Variants in RNLS observed in about 807,000 individuals in gnomAD.
RNLS encodes renalase.
A neutral mutation model predicts 39.8 loss-of-function variants in RNLS; 39 were observed. That is an observed-to-expected ratio of 0.98 (90% confidence interval 0.76 to 1.28). The LOEUF is 1.28. Among genes scored for constraint, RNLS ranks in the 50% most tolerant of loss-of-function variants. RNLS has a pLI of 0.00. For synonymous variants in RNLS, 147 were observed against 150.7 expected (o/e 0.98, Z 0.18); for missense variants, 410 against 413.3 (o/e 0.99, Z 0.07).
At chr10:88,447,768 C>T (rs1290441961) in intron 4 of RNLS, among the ~76,000 whole-genome samples, 1 of 152,162 alleles carries the variant, frequency 6.6e-6, no homozygotes, top group East Asian at 1.9e-4. Context: ...AACTACAAGG[C>T]TACAGTAACC....
At position 88,314,461 on chromosome 10, in the gene RNLS, AT is replaced by A; in HGVS notation, c.876+4del. Reference sequence around the variant, plus strand: ...TGTGCTTAGACCACTGGATTCTTTGATTACCTGTGAATGTCTCCATTTTTGG... The same window carrying A: ...TGTGCTTAGACCACTGGATTCTTTGATACCTGTGAATGTCTCCATTTTTGG... On this transcript the variant is annotated splice_donor_region_variant and intron_variant, in intron 6 of 6. Transcript: ENST00000331772. 1 of 1,613,502 alleles carries A rather than the reference AT, an allele frequency of 6.2e-7. No individual in the cohort carries two copies. Among genetic ancestry groups the A allele is most frequent in the Non-Finnish European group, 8.5e-7 (1 of 1,179,556 alleles).
chr10:88,358,523 T>C (rs1849382570), intron 5 of RNLS, among the ~76,000 whole-genome samples: 1 of 152,250 alleles, frequency 6.6e-6, no homozygotes, highest in Admixed American at 6.5e-5. Flanking sequence ...TATGTCCTGA[T>C]ATTCTCCAAA....
chr10:88,454,068 T>A (rs565677585), intron 4 of RNLS, among the ~76,000 whole-genome samples: 1 of 152,242 alleles, frequency 6.6e-6, no homozygotes, highest in South Asian at 2.1e-4. Context: ...ATGGGTAGAA[T>A]TAGAAGAGAA....
intron 4 of RNLS, among the ~76,000 whole-genome samples, chr10:88,467,492 A>G (rs1219401209): frequency 6.6e-6 from 1 of 152,094 alleles, no homozygotes; most frequent in Non-Finnish European, 1.5e-5. Context: ...TTGACAGGGT[A>G]GGGTTTACTC....
chr10:88,564,513 G>A (rs1000584787), intron 4 of RNLS, among the ~76,000 whole-genome samples: 4 of 152,116 alleles, frequency 2.6e-5, no homozygotes, highest in Non-Finnish European at 4.4e-5. Flanking sequence ...TAATGTTTAA[G>A]GGTCAGGGGT....
chr10:88,528,811 C>T (rs1211432429), intron 4 of RNLS, among the ~76,000 whole-genome samples: 1 of 149,948 alleles, frequency 6.7e-6, no homozygotes, highest in Non-Finnish European at 1.5e-5. Flanking sequence ...CAAGACCGCA[C>T]CACTGCACTC....
At chr10:88,183,154 G>A in the RNLS span, among the ~76,000 whole-genome samples, 2 of 152,086 alleles carry the variant, frequency 1.3e-5, no homozygotes, top group African/African-American at 4.8e-5. Flanking sequence ...TCAGATGCAG[G>A]GGACCAAATC....
At position 88,284,876 on chromosome 10, in the gene RNLS, C is replaced by A. The variant is rs764898600; in HGVS notation, c.*478G>T. ...GGGGATAAATGAGAAATAAGAATTACACTCTGTTACCTACATTTTGGAAAA... is the reference window on the plus strand; with the variant it reads ...GGGGATAAATGAGAAATAAGAATTAAACTCTGTTACCTACATTTTGGAAAA... On this transcript the variant is annotated 3_prime_UTR_variant, in exon 7 of 7. Coordinates refer to ENST00000331772, the MANE Select transcript of RNLS (RefSeq NM_001031709.3). 1.0e-6 allele frequency: 1 copy of A among 985,614 alleles called. No homozygotes were observed. Among genetic ancestry groups the A allele is most frequent in the Non-Finnish European group, 1.2e-6 (1 of 830,108 alleles). 61.1% of individuals were successfully genotyped at this position (985,614 alleles called of 1,614,324 possible).
the RNLS span, among the ~76,000 whole-genome samples, chr10:88,222,766 A>G: frequency 9.2e-5 from 14 of 152,300 alleles, no homozygotes; most frequent in African/African-American, 3.4e-4. Flanking sequence ...TCTGTCCACA[A>G]GACTGTGGGG....
intron 4 of RNLS, among the ~76,000 whole-genome samples, chr10:88,538,760 C>T (rs572712035): frequency 6.6e-6 from 1 of 152,180 alleles, no homozygotes; most frequent in South Asian, 2.1e-4. Flanking sequence ...GTTTTCCACC[C>T]TATGAAATTT....
At chr10:88,281,626 G>C (rs1029046733), downstream of RNLS, among the ~76,000 whole-genome samples, 1 of 152,118 alleles carries the variant, frequency 6.6e-6, no homozygotes, top group Non-Finnish European at 1.5e-5. Context: ...TAGTTTATTA[G>C]CACTGAGATC....
chr10:88,172,439 A>AT, the RNLS span, among the ~76,000 whole-genome samples: 2,656 of 151,948 alleles, frequency 0.017, 86 homozygotes, highest in African/African-American at 0.06. Flanking sequence ...GATGTTAAGC[A>AT]TTTTTTTCAT....
intron 4 of RNLS, among the ~76,000 whole-genome samples, chr10:88,503,655 T>C (rs572961819): frequency 6.6e-6 from 1 of 152,316 alleles, no homozygotes; most frequent in African/African-American, 2.4e-5. Context: ...ACAGGTGCTA[T>C]CATACATAGA....
chr10:88,343,851 T>A (rs1848128783), intron 5 of RNLS: 1 of 979,926 alleles, frequency 1.0e-6, no homozygotes, highest in African/African-American at 1.8e-5. Context: ...GTCCTTTAAT[T>A]GAAACGTCCC....
chr10:88,507,570 C>T (rs559216339), intron 4 of RNLS, among the ~76,000 whole-genome samples: 127 of 152,156 alleles, frequency 8.3e-4, no homozygotes, highest in Middle Eastern at 3.4e-3. Context: ...TATGAGAAGG[C>T]GTTTTTTAGA....
Position 88,583,214 on chromosome 10 carries a change from G to T in RNLS, c.-24C>A. ...ATGGCGAGAGGGAGCAGCGATCCGC[G>T]CTGAGTCTCTGCGGCGGGGCCGTTC... On this transcript the variant is annotated 5_prime_UTR_variant, in exon 1 of 7. Coordinates refer to ENST00000331772, the MANE Select transcript of RNLS (RefSeq NM_001031709.3). 1.9e-6 allele frequency: 3 copies of T among 1,612,622 alleles called. No individual in the cohort carries two copies. The highest frequency in any genetic ancestry group is 2.5e-6 in the Non-Finnish European group (3 of 1,179,508).
At chr10:88,507,905 AC>A (rs1479497883) in intron 4 of RNLS, among the ~76,000 whole-genome samples, 7 of 152,284 alleles carry the variant, frequency 4.6e-5, no homozygotes, top group South Asian at 2.1e-4. Flanking sequence ...ACAATTGATA[AC>A]AGTGGGATTA....
intron 6 of RNLS, among the ~76,000 whole-genome samples, chr10:88,289,638 A>G (rs1034728086): frequency 2.0e-5 from 3 of 152,046 alleles, no homozygotes; most frequent in African/African-American, 4.8e-5. Context: ...AGGGACTCTG[A>G]CTCACTGATC....
At chr10:88,219,210 A>C in the RNLS span, among the ~76,000 whole-genome samples, 8 of 152,176 alleles carry the variant, frequency 5.3e-5, no homozygotes, top group African/African-American at 1.9e-4. Context: ...ATTGCATGGC[A>C]CTCAAAACAT....
Sources: gnomAD v4.1 joint callset for allele counts (sites outside exome capture counted in the v4.1 genomes callset) on GRCh38, gnomAD v4.1.1 for gene constraint, MANE v1.5 for transcripts, NCBI Gene and HGNC (gene_info 2026-07-23, HGNC 2026-07-21) for gene names.